Variants in IRAK1BP1 observed in about 807,000 individuals in gnomAD.
The protein encoded by IRAK1BP1 is interleukin-1 receptor-associated kinase 1-binding protein 1.
IRAK1BP1 carries 24 observed loss-of-function variants against 28.0 expected under a neutral mutation model. The observed-to-expected ratio is 0.86, with a 90% CI of 0.62 to 1.20. The LOEUF is 1.20. Among genes scored for constraint, IRAK1BP1 ranks in the 50% most tolerant of loss-of-function variants. IRAK1BP1 has a pLI of 0.00. For synonymous variants in IRAK1BP1, 131 were observed against 116.3 expected (o/e 1.13, Z -0.81); for missense variants, 336 against 316.7 (o/e 1.06, Z -0.46).
At chr6:78,908,311 A>G (rs1288154704) in intron 4 of IRAK1BP1, among the ~76,000 whole-genome samples, 1 of 152,058 alleles carries the variant, frequency 6.6e-6, no homozygotes, top group Non-Finnish European at 1.5e-5. Context: ...TCAGCATCCC[A>G]AAGTGCTGGG....
rs767900761 is a variant in IRAK1BP1, at chr6:78,897,809, T to C, written c.382-20T>C. 3 of 1,604,530 alleles carry C rather than the reference T, an allele frequency of 1.9e-6. No homozygotes were observed. Among genetic ancestry groups the C allele is most frequent in the Non-Finnish European group, 2.6e-6 (3 of 1,174,730 alleles). ...CAGTACATCAGACATGAAAATAATATCGTGTCATTTCATTTACAGGTCTGC... is the reference window on the plus strand; with the variant it reads ...CAGTACATCAGACATGAAAATAATACCGTGTCATTTCATTTACAGGTCTGC... On this transcript the variant is annotated intron_variant, in intron 2 of 3. Coordinates refer to ENST00000369940, the MANE Select transcript of IRAK1BP1 (RefSeq NM_001010844.4).
chr6:78,960,209 T>G, the IRAK1BP1 span, among the ~76,000 whole-genome samples: 1 of 152,336 alleles, frequency 6.6e-6, no homozygotes, highest in African/African-American at 2.4e-5. Context: ...AAGTCAAACC[T>G]TATGTATAGT....
chr6:78,901,298 A>G lies in IRAK1BP1; in HGVS notation c.*2964A>G, dbSNP rs1772087925. 1 of 152,062 alleles carries G rather than the reference A, an allele frequency of 6.6e-6. No homozygotes were observed. The highest frequency in any genetic ancestry group is 2.1e-4 in the South Asian group (1 of 4,826). 9.4% of individuals were successfully genotyped at this position (152,062 alleles called of 1,614,324 possible). On this transcript the variant is annotated 3_prime_UTR_variant, in exon 4 of 4. Coordinates refer to ENST00000369940, the MANE Select transcript of IRAK1BP1 (RefSeq NM_001010844.4). Reference sequence around the variant, plus strand: ...AGTATACAATCCTACATTTTTCTATAGAAGAGCTTAGGGAAGAAATCATTC... The same window carrying G: ...AGTATACAATCCTACATTTTTCTATGGAAGAGCTTAGGGAAGAAATCATTC...
At chr6:78,942,520 A>G (rs924640841) in intron 4 of IRAK1BP1, among the ~76,000 whole-genome samples, 1 of 152,152 alleles carries the variant, frequency 6.6e-6, no homozygotes, top group African/African-American at 2.4e-5. Flanking sequence ...AACATGGTTA[A>G]GAGACTTACC....
At chr6:78,955,511 CAAAA>C in the IRAK1BP1 span, 1 of 552,556 alleles carries the variant, frequency 1.8e-6, no homozygotes, top group East Asian at 3.2e-5. Context: ...CTACACTAGA[CAAAA>C]AATAATGTTC....
intron 2 of IRAK1BP1, among the ~76,000 whole-genome samples, chr6:78,893,713 G>C (rs543902832): frequency 1.4e-4 from 21 of 152,136 alleles, no homozygotes; most frequent in African/African-American, 4.6e-4. Context: ...AACCAGCCTG[G>C]CCAACATGGC....
chr6:78,974,133 T>A, the IRAK1BP1 span, among the ~76,000 whole-genome samples: 5 of 151,432 alleles, frequency 3.3e-5, no homozygotes, highest in Admixed American at 2.0e-4. Context: ...GAAGTAAAGC[T>A]CTCCTCAGCA....
At chr6:78,970,095 G>A in the IRAK1BP1 span, 6 of 1,613,514 alleles carry the variant, frequency 3.7e-6, no homozygotes, top group African/African-American at 4.0e-5. Flanking sequence ...TCAGGATCTA[G>A]AAAAGCAAGT....
chr6:78,961,894 A>T, the IRAK1BP1 span: 2 of 1,067,218 alleles, frequency 1.9e-6, no homozygotes, highest in Non-Finnish European at 2.7e-6. Flanking sequence ...TAAGACTTAA[A>T]AAGTCCTAAT....
intron 4 of IRAK1BP1, among the ~76,000 whole-genome samples, chr6:78,911,123 T>C (rs1772404816): frequency 6.6e-6 from 1 of 151,986 alleles, no homozygotes; most frequent in African/African-American, 2.4e-5. Context: ...TTTACCTCTT[T>C]CCCCTAACTT....
At chr6:78,918,793 T>A (rs1772639925) in intron 4 of IRAK1BP1, among the ~76,000 whole-genome samples, 1 of 152,020 alleles carries the variant, frequency 6.6e-6, no homozygotes, top group Non-Finnish European at 1.5e-5. Flanking sequence ...ACTAAACAGA[T>A]CATCAAGGCG....
At chr6:78,955,789 G>C in the IRAK1BP1 span, 9 of 492,278 alleles carry the variant, frequency 1.8e-5, no homozygotes, top group Admixed American at 2.7e-4. Flanking sequence ...GAAGCTGAAG[G>C]CTTGCTTTCT....
chr6:78,916,462 G>A lies in IRAK1BP1; in HGVS notation c.*67+13352G>A, dbSNP rs1031931966. On this transcript the variant is annotated intron_variant and NMD_transcript_variant, in intron 4 of 4. Transcript: ENST00000606868. ...CAACTAATTTGGCAGTGTGGTGGGG[G>A]GAGGGAAGTTACTTAATCTGTCTGT... Among the ~76,000 whole-genome samples, 6 of 151,974 alleles carry A rather than the reference G, an allele frequency of 3.9e-5. 1 individual carries two copies. In the South Asian group the frequency reaches 1.0e-3, roughly 26 times the overall value.
chr6:78,945,616 T>C, exon 5 of IRAK1BP1: 1 of 683,358 alleles, frequency 1.5e-6, no homozygotes, highest in East Asian at 2.7e-5. Context: ...TGCTTAAAGC[T>C]TTCTTAGGAA....
the IRAK1BP1 span, chr6:78,978,823 T>C: frequency 2.5e-3 from 2,085 of 831,940 alleles, 37 homozygotes; most frequent in African/African-American, 0.032. Context: ...AAGGGCACCA[T>C]TGTACAATAT....
chr6:78,912,136 A>T (rs759904231), intron 4 of IRAK1BP1, among the ~76,000 whole-genome samples: 5 of 152,128 alleles, frequency 3.3e-5, no homozygotes, highest in African/African-American at 1.2e-4. Context: ...TTTCACCATT[A>T]TAGCTTTTTC....
chr6:78,876,189 A>C (rs1167985334), intron 1 of IRAK1BP1, among the ~76,000 whole-genome samples: 1 of 152,080 alleles, frequency 6.6e-6, no homozygotes, highest in East Asian at 1.9e-4. Flanking sequence ...ATGAGAGCTG[A>C]TGCTTTAAAG....
the IRAK1BP1 span, among the ~76,000 whole-genome samples, chr6:78,963,956 A>G: frequency 7.9e-6 from 1 of 127,366 alleles, no homozygotes; most frequent in Non-Finnish European, 1.9e-5. Context: ...TCCAAATAGA[A>G]CAACAACAGT....
In IRAK1BP1 at chr6:78,902,133, A is replaced by G. The variant is rs1298868429; in HGVS notation, c.*3799A>G. ...TATTACATATATGGTATTTGCAACC[A>G]AATCACTGAGTTTGTTGTTGTCGTT... On this transcript the variant is annotated 3_prime_UTR_variant, in exon 4 of 4. Coordinates refer to ENST00000369940, the MANE Select transcript of IRAK1BP1 (RefSeq NM_001010844.4). 2.0e-5 allele frequency: 3 copies of G among 152,228 alleles called. No individual in the cohort carries two copies. Among genetic ancestry groups the G allele is most frequent in the South Asian group, 2.1e-4 (1 of 4,834 alleles). The allele number at this position is 152,228 out of a possible 1,614,324, so 9.4% of individuals were successfully genotyped here. A position where few individuals can be genotyped will look rare whatever the true frequency, so the allele number is the denominator to read the frequency against.
Sources: gnomAD v4.1 joint callset for allele counts (sites outside exome capture counted in the v4.1 genomes callset) on GRCh38, gnomAD v4.1.1 for gene constraint, MANE v1.5 for transcripts, NCBI Gene and HGNC (gene_info 2026-07-23, HGNC 2026-07-21) for gene names.